Variants in CACNA2D1 observed in about 807,000 individuals in gnomAD.
CACNA2D1 encodes the protein voltage-dependent calcium channel subunit alpha-2/delta-1.
A neutral mutation model predicts 171.5 loss-of-function variants in CACNA2D1; 53 were observed. That is an observed-to-expected ratio of 0.31 (90% CI 0.25 to 0.39). The LOEUF (loss-of-function observed/expected upper bound fraction) is 0.39. Among genes scored for constraint, CACNA2D1 ranks in the 10% least tolerant of loss-of-function variants. The probability of loss-of-function intolerance (pLI) is 1.00; values close to 1 mark genes in which losing one functional copy is unlikely to be tolerated. For synonymous variants in CACNA2D1, 442 were observed against 443.1 expected, an observed-to-expected ratio of 1.00 and a Z score of 0.03; for missense variants, 903 against 1,299.8, an observed-to-expected ratio of 0.69 and a Z score of 4.69.
intron 6 of CACNA2D1, among the ~76,000 whole-genome samples, chr7:82,095,643 T>C (rs1403278515): frequency 6.6e-6 from 1 of 152,238 alleles, no homozygotes; most frequent in Admixed American, 6.5e-5. Flanking sequence ...ACTAGTATGT[T>C]TTGGTACATA....
rs1463213100 is a variant in CACNA2D1, at chr7:81,948,425, G to C, written c.*1967C>G. The C allele has an allele frequency of 1.3e-5, 2 of 151,376 alleles. No homozygotes were observed. Among genetic ancestry groups the C allele is most frequent in the African/African-American group, 2.4e-5 (1 of 41,294 alleles). The allele number at this position is 151,376 out of a possible 1,614,324, so 9.4% of individuals were successfully genotyped here. A position where few individuals can be genotyped will look rare whatever the true frequency, so the allele number is the denominator to read the frequency against. On this transcript the variant is annotated 3_prime_UTR_variant, in exon 39 of 39. Coordinates refer to ENST00000356860, the MANE Select transcript of CACNA2D1 (RefSeq NM_000722.4). ...ACTGATGTCAACTCTTAGAACAATA[G>C]TTGGCAAAGTGATTCCATTTCCCCC... is the stretch of plus-strand genomic sequence containing the variant.
At chr7:82,037,722 G>A (rs575113865) in intron 11 of CACNA2D1, among the ~76,000 whole-genome samples, 20 of 152,272 alleles carry the variant, frequency 1.3e-4, no homozygotes, top group African/African-American at 4.6e-4. Flanking sequence ...ATGATTGAAA[G>A]TGCAAGGTTA....
intron 38 of CACNA2D1, among the ~76,000 whole-genome samples, chr7:81,958,532 C>T (rs1793711973): frequency 6.6e-6 from 1 of 151,810 alleles, no homozygotes; most frequent in Non-Finnish European, 1.5e-5. Flanking sequence ...AAGCATAAAG[C>T]TAATGTAGTA....
intron 1 of CACNA2D1, among the ~76,000 whole-genome samples, chr7:82,429,418 G>C (rs1829483091): frequency 6.6e-6 from 1 of 152,096 alleles, no homozygotes; most frequent in Admixed American, 6.6e-5. Flanking sequence ...AATCGATTCT[G>C]AGTAGCCTGC....
Position 81,964,252 on chromosome 7 carries a change from G to T in CACNA2D1, c.2682C>A (p.Pro894=). The T allele has an allele frequency of 6.2e-7, 1 of 1,612,626 alleles. No individual in the cohort carries two copies. Among genetic ancestry groups the T allele is most frequent in the Non-Finnish European group, 8.5e-7 (1 of 1,179,150 alleles). ...KSYDYQSVCE[P]GAAPKQGAGH... ...CTGCTCCTTGTTTTGGTGCAGCACC[G>T]GGCTCACATACTGACTGATAATCAT... The change falls in exon 33 of 39, where the codon CCC becomes CCA. Residue 894 remains proline, a synonymous_variant. Coordinates refer to ENST00000356860, the MANE Select transcript of CACNA2D1 (RefSeq NM_000722.4).
intron 3 of CACNA2D1, among the ~76,000 whole-genome samples, chr7:82,222,886 TTTTC>T (rs1283906448): frequency 5.9e-4 from 89 of 151,612 alleles, no homozygotes; most frequent in African/African-American, 1.4e-3. Flanking sequence ...TAGCTTTATT[TTTTC>T]TTTCTTTCTT....
chr7:81,967,784 TG>T, intron 29 of CACNA2D1, 121 bp from the exon 30 acceptor site: 1 of 605,768 alleles, frequency 1.7e-6, no homozygotes, highest in Non-Finnish European at 3.0e-6. Flanking sequence ...TTTAGTTTTG[TG>T]TTCATTAAGA....
chr7:82,161,710 T>C (rs1415265360), intron 4 of CACNA2D1, among the ~76,000 whole-genome samples: 2 of 152,038 alleles, frequency 1.3e-5, no homozygotes, highest in Non-Finnish European at 2.9e-5. Flanking sequence ...CACTTGCGAA[T>C]GTTAGTCTTG....
chr7:82,368,180 C>T (rs556062447), intron 1 of CACNA2D1, among the ~76,000 whole-genome samples: 11 of 152,278 alleles, frequency 7.2e-5, no homozygotes, highest in African/African-American at 2.6e-4. Flanking sequence ...CCAGCATCTG[C>T]TTTGGTTATG....
At chr7:82,083,129 C>T (rs917300478) in intron 7 of CACNA2D1, among the ~76,000 whole-genome samples, 12 of 151,752 alleles carry the variant, frequency 7.9e-5, no homozygotes, top group Non-Finnish European at 1.6e-4. Context: ...TGCTCATTAT[C>T]ATCCTAATTT....
intron 3 of CACNA2D1, 91 bp from the exon 4 acceptor site, chr7:82,170,700 G>T: frequency 8.6e-7 from 1 of 1,159,034 alleles, no homozygotes; most frequent in Non-Finnish European, 1.3e-6. Context: ...TCAATTTTGA[G>T]GACATAAAAA....
At chr7:82,261,257 G>T (rs963981065) in intron 3 of CACNA2D1, among the ~76,000 whole-genome samples, 2 of 152,116 alleles carry the variant, frequency 1.3e-5, no homozygotes, top group African/African-American at 4.8e-5. Flanking sequence ...ACCCGGCCTG[G>T]ACCACTTTTT....
At chr7:82,386,546 A>G (rs928609505) in intron 1 of CACNA2D1, among the ~76,000 whole-genome samples, 2 of 152,058 alleles carry the variant, frequency 1.3e-5, no homozygotes, top group African/African-American at 4.8e-5. Flanking sequence ...CAGCCTGACC[A>G]ACATGGAGAA....
chr7:82,069,151 C>A (rs577903954), intron 7 of CACNA2D1, among the ~76,000 whole-genome samples: 1 of 152,114 alleles, frequency 6.6e-6, no homozygotes, highest in Non-Finnish European at 1.5e-5. Flanking sequence ...CCCATCATGT[C>A]ATTTAAATAG....
intron 1 of CACNA2D1, among the ~76,000 whole-genome samples, chr7:82,393,146 G>A (rs2129450904): frequency 6.7e-6 from 1 of 149,266 alleles, no homozygotes; most frequent in South Asian, 2.1e-4. Flanking sequence ...AGGAAGGGAG[G>A]GAGGCAGGCA....
intron 9 of CACNA2D1, 110 bp from the exon 10 acceptor site, chr7:82,060,637 A>T: frequency 1.7e-6 from 1 of 572,896 alleles, no homozygotes; most frequent in Non-Finnish European, 2.9e-6. Context: ...TATATTATTT[A>T]AATAATAATT....
intron 18 of CACNA2D1, among the ~76,000 whole-genome samples, chr7:82,000,217 C>T (rs1457411343): frequency 6.6e-6 from 1 of 152,058 alleles, no homozygotes; most frequent in Non-Finnish European, 1.5e-5. Context: ...CGAGATTGCG[C>T]CACTGCACTC....
In CACNA2D1 at chr7:82,136,508, T is replaced by C. The variant is rs187631598; in HGVS notation, c.396+127A>G. 2.5e-3 allele frequency: 1,593 copies of C among 644,754 alleles called. 27 individuals carry two copies. Among genetic ancestry groups the C allele is most frequent in the South Asian group, 0.024 (1,224 of 51,726 alleles). 39.9% of individuals were successfully genotyped at this position (644,754 alleles called of 1,614,324 possible). On this transcript the variant is annotated intron_variant, in intron 5 of 38. Transcript: ENST00000356860. Reference sequence around the variant, plus strand: ...AGTTCTTCATTATCTCGTATCTAACTAGTATTTTGCTCATGCAGTCTAACA... The same window carrying C: ...AGTTCTTCATTATCTCGTATCTAACCAGTATTTTGCTCATGCAGTCTAACA...
At chr7:82,202,300 C>A (rs144883084) in intron 3 of CACNA2D1, among the ~76,000 whole-genome samples, 1 of 152,176 alleles carries the variant, frequency 6.6e-6, no homozygotes, top group South Asian at 2.1e-4. Flanking sequence ...CTTTCAGCTG[C>A]CCACCACTCG....
Sources: gnomAD v4.1 joint callset for allele counts (sites outside exome capture counted in the v4.1 genomes callset) on GRCh38, gnomAD v4.1.1 for gene constraint, MANE v1.5 for transcripts, NCBI Gene and HGNC (gene_info 2026-07-23, HGNC 2026-07-21) for gene names.